SLC28A1: variants seen among roughly 807,000 people sequenced by gnomAD.
SLC28A1 encodes solute carrier family 28 member 1, also known as sodium/nucleoside cotransporter 1.
A neutral mutation model predicts 74.8 loss-of-function variants in SLC28A1; 64 were observed. The observed-to-expected ratio is 0.86, with a 90% CI of 0.70 to 1.05. The LOEUF (loss-of-function observed/expected upper bound fraction) is 1.05, where lower values mean the gene tolerates loss of function less well. Ranked by LOEUF, SLC28A1 falls within the 50% of genes least tolerant of loss-of-function variation. SLC28A1 has a pLI of 0.00. For missense variants in SLC28A1, 828 were observed against 822.8 expected (o/e 1.01, Z -0.08); for synonymous variants, 359 against 335.0 (o/e 1.07, Z -0.78).
At chr15:84,935,801 C>G (rs953857693) in intron 15 of SLC28A1, among the ~76,000 whole-genome samples, 5 of 152,228 alleles carry the variant, frequency 3.3e-5, no homozygotes, top group African/African-American at 1.2e-4. Context: ...CTTAGGCCAG[C>G]CACAGTACCT....
chr15:84,912,801 C>CGT (rs1555449073), intron 9 of SLC28A1, among the ~76,000 whole-genome samples: 49 of 61,208 alleles, frequency 8.0e-4, no homozygotes, highest in Non-Finnish European at 1.4e-3. Context: ...AAATTTTGCG[C>CGT]GCGCGCACAC....
chr15:84,895,391 T>C (rs757893641), intron 6 of SLC28A1: 27 of 1,613,910 alleles, frequency 1.7e-5, no homozygotes, highest in Middle Eastern at 1.7e-4. Flanking sequence ...TCCCAGGCCA[T>C]GGAGCAAGGA....
rs921774624 is a variant in SLC28A1 at position 84,928,571 on chromosome 15, T to C, written c.1083+4461T>C. On this transcript the variant is annotated intron_variant, in intron 12 of 18. Coordinates refer to ENST00000394573, the MANE Select transcript of SLC28A1 (RefSeq NM_004213.5). Reference sequence around the variant, plus strand: ...CTTTCTTTCTTTCTTTCTTTCTTTCTTTCTTTCTTTCTTTCTTTCTTTCTT... The same window carrying C: ...CTTTCTTTCTTTCTTTCTTTCTTTCCTTCTTTCTTTCTTTCTTTCTTTCTT... 6.7e-3 allele frequency among the ~76,000 whole-genome samples: 112 copies of C among 16,830 alleles called. 2 individuals carry two copies. Among genetic ancestry groups the C allele is most frequent in the African/African-American group, 0.024 (53 of 2,186 alleles). The allele number at this position is 16,830 out of a possible 152,430, so 11.0% of individuals were successfully genotyped here.
the SLC28A1 span, among the ~76,000 whole-genome samples, chr15:84,969,520 G>T: frequency 1.9e-5 from 2 of 104,614 alleles, no homozygotes; most frequent in Non-Finnish European, 4.4e-5. Flanking sequence ...CTGGGAAAGG[G>T]AGCACCCTGC....
At chr15:84,970,056 T>C in the SLC28A1 span, among the ~76,000 whole-genome samples, 2 of 152,204 alleles carry the variant, frequency 1.3e-5, no homozygotes, top group African/African-American at 4.8e-5. Flanking sequence ...AGTTCAAATG[T>C]TGGATGGTTC....
chr15:84,899,940 A>AAAGAAAGGAAGGAAGGAAGG (rs780132408), intron 6 of SLC28A1, among the ~76,000 whole-genome samples: 1 of 136,814 alleles, frequency 7.3e-6, no homozygotes, highest in Non-Finnish European at 1.6e-5. Context: ...AGAAAGAAAG[A>AAAGAAAGGAAGGAAGGAAGG]AAGGAAGGAA....
At chr15:84,930,334 C>T (rs143618823) in intron 12 of SLC28A1, among the ~76,000 whole-genome samples, 159 of 152,350 alleles carry the variant, frequency 1.0e-3, no homozygotes, top group East Asian at 9.1e-3. Context: ...AGAGAGGACA[C>T]CTGCCCCAAG....
At chr15:84,936,168 C>T (rs556855890) in intron 15 of SLC28A1, among the ~76,000 whole-genome samples, 109 of 151,310 alleles carry the variant, frequency 7.2e-4, no homozygotes, top group Admixed American at 2.3e-3. Flanking sequence ...TGGTCTTGAT[C>T]TCCTGACCTC....
intron 12 of SLC28A1, among the ~76,000 whole-genome samples, chr15:84,929,017 G>C (rs991476868): frequency 6.6e-6 from 1 of 152,086 alleles, no homozygotes; most frequent in Non-Finnish European, 1.5e-5. Flanking sequence ...GATATTTCTA[G>C]ATCTCCACGG....
At chr15:84,929,372 C>T (rs1971017564) in intron 12 of SLC28A1, among the ~76,000 whole-genome samples, 1 of 152,006 alleles carries the variant, frequency 6.6e-6, no homozygotes. Context: ...TGGAGAAACC[C>T]TGTCTCTACA....
downstream of SLC28A1, among the ~76,000 whole-genome samples, chr15:84,947,377 G>A (rs574661830): frequency 6.6e-6 from 1 of 152,130 alleles, no homozygotes; most frequent in African/African-American, 2.4e-5. Flanking sequence ...CCACTAGCTG[G>A]GTCATGGAAC....
chr15:84,965,930 A>G, the SLC28A1 span, among the ~76,000 whole-genome samples: 11 of 151,832 alleles, frequency 7.2e-5, no homozygotes, highest in African/African-American at 2.7e-4. Context: ...GGCTGCTGGA[A>G]TGGTGCAGGC....
At position 84,928,523 on chromosome 15, in the gene SLC28A1, GTTCGTTCTTTCTTTCTTTCTTTCT is replaced by G. The variant is rs1970774762; in HGVS notation, c.1083+4417_1083+4440del. ...CCCTTTCCTTCAAGCTCCCAGGTTC[GTTCGTTCTTTCTTTCTTTCTTTCT>G]TTCTTTCTTTCTTTCTTTCTTTCTT... On this transcript the variant is annotated intron_variant, in intron 12 of 18. Coordinates refer to ENST00000394573, the MANE Select transcript of SLC28A1 (RefSeq NM_004213.5). 1.3e-4 allele frequency among the ~76,000 whole-genome samples: 5 copies of G among 39,800 alleles called. 2 individuals carry two copies. Among genetic ancestry groups the G allele is most frequent in the African/African-American group, 5.9e-4 (5 of 8,478 alleles). 26.1% of individuals were successfully genotyped at this position (39,800 alleles called of 152,430 possible). A position where few individuals can be genotyped will look rare whatever the true frequency, so the allele number is the denominator to read the frequency against.
chr15:84,933,194 C>T lies in SLC28A1; in HGVS notation c.1133C>T (p.Ala378Val), dbSNP rs1971507569. ...IAASVMAAPC[A>V]LALSKLVYPE... Reference sequence around the variant, plus strand: ...GCCTCTGTGATGGCTGCCCCTTGTGCCTTGGCCCTCTCCAAGCTGGTCTAC... The same window carrying T: ...GCCTCTGTGATGGCTGCCCCTTGTGTCTTGGCCCTCTCCAAGCTGGTCTAC... Residue 378 changes from alanine (A) to valine (V), a missense_variant, in exon 13 of 19, where the codon GCC becomes GTC. Ala to Val is a moderately conservative substitution (Grantham distance 64). Transcript: ENST00000394573. 1 of 1,613,608 alleles carries T rather than the reference C, an allele frequency of 6.2e-7. No individual in the cohort carries two copies. Among genetic ancestry groups the T allele is most frequent in the Non-Finnish European group, 8.5e-7 (1 of 1,179,836 alleles).
rs1234801497 is a variant in SLC28A1, at chr15:84,890,425, TGCTGGTCTTGTTCCCAGG to T, written c.186-17_186del. 8 of 1,590,244 alleles carry T rather than the reference TGCTGGTCTTGTTCCCAGG, an allele frequency of 5.0e-6. No individual in the cohort carries two copies. The highest frequency in any genetic ancestry group is 2.6e-6 in the Non-Finnish European group (3 of 1,165,648). ...GGTCTGCTCATGCACTCATGGACCC[TGCTGGTCTTGTTCCCAGG>T]AGGAACCTGCAGCCAGCCCTGAGAG... On this transcript the variant is annotated splice_acceptor_variant and splice_polypyrimidine_tract_variant and coding_sequence_variant and intron_variant, in exon 5 of 19. Transcript: ENST00000394573. LOFTEE classifies it high-confidence loss of function.
At chr15:84,908,461 G>T (rs1164443342) in intron 8 of SLC28A1, among the ~76,000 whole-genome samples, 1 of 152,132 alleles carries the variant, frequency 6.6e-6, no homozygotes, top group African/African-American at 2.4e-5. Flanking sequence ...TGAGATTACA[G>T]GTGTGAGCCA....
chr15:84,938,727 G>A (rs1972269994), intron 15 of SLC28A1, among the ~76,000 whole-genome samples: 2 of 151,752 alleles, frequency 1.3e-5, no homozygotes, highest in South Asian at 2.1e-4. Flanking sequence ...CACAATTCGT[G>A]GTAAGTTCTA....
At chr15:84,969,794 A>C in the SLC28A1 span, among the ~76,000 whole-genome samples, 4 of 152,182 alleles carry the variant, frequency 2.6e-5, no homozygotes, top group Non-Finnish European at 1.5e-5. Flanking sequence ...GTGGGAGAGA[A>C]TGCAGGATCC....
chr15:84,959,236 C>T, the SLC28A1 span, among the ~76,000 whole-genome samples: 1 of 152,050 alleles, frequency 6.6e-6, no homozygotes, highest in Non-Finnish European at 1.5e-5. Context: ...TCCCAAGTAG[C>T]TGGGATTACA....
Sources: allele counts gnomAD v4.1 joint callset (sites outside exome capture counted in the v4.1 genomes callset), GRCh38; gene constraint gnomAD v4.1.1; transcripts MANE v1.5; gene names NCBI Gene and HGNC (gene_info 2026-07-23, HGNC 2026-07-21).